COL22A1: variants seen among roughly 807,000 people sequenced by gnomAD.
The protein encoded by COL22A1 is collagen type XXII alpha 1 chain.
COL22A1 carries 221 observed loss-of-function variants against 248.9 expected under a neutral mutation model. The ratio of observed to expected loss-of-function variants is 0.89; its 90% confidence interval spans 0.80 to 0.99. The LOEUF is 0.99. Ranked by LOEUF, COL22A1 falls within the 50% of genes least tolerant of loss-of-function variation. The pLI is 0.00. For synonymous variants in COL22A1, 891 were observed against 793.4 expected (o/e 1.12, Z -2.07); for missense variants, 2,240 against 2,179.0 (o/e 1.03, Z -0.56).
At chr8:138,725,107 C>T (rs372366807) in intron 24 of COL22A1, among the ~76,000 whole-genome samples, 37 of 152,302 alleles carry the variant, frequency 2.4e-4, no homozygotes, top group Non-Finnish European at 4.1e-4. Context: ...AAAAGACATC[C>T]GAATGGGCAA....
At chr8:138,790,450 T>C (rs1442892210) in intron 12 of COL22A1, among the ~76,000 whole-genome samples, 1 of 152,164 alleles carries the variant, frequency 6.6e-6, no homozygotes, top group East Asian at 1.9e-4. Flanking sequence ...AAGTGTCTTG[T>C]GGTTTCCAGA....
chr8:138,824,834 C>T (rs1819454855), intron 6 of COL22A1, among the ~76,000 whole-genome samples: 1 of 152,200 alleles, frequency 6.6e-6, no homozygotes, highest in Admixed American at 6.5e-5. Context: ...GTGACGGGCA[C>T]TCAACCAAGC....
chr8:138,676,776 A>C, intron 40 of COL22A1, 141 bp from the exon 41 acceptor site: 1 of 625,492 alleles, frequency 1.6e-6, no homozygotes, highest in Non-Finnish European at 2.8e-6. Flanking sequence ...GCTATAGTCT[A>C]CCCAGGCAGC....
chr8:138,673,792 T>G (rs1825264301), intron 41 of COL22A1, among the ~76,000 whole-genome samples: 1 of 152,060 alleles, frequency 6.6e-6, no homozygotes, highest in South Asian at 2.1e-4. Flanking sequence ...TCCCTGGGCA[T>G]GCACCTGCCC....
chr8:138,660,967 C>CAT (rs1823863661), intron 43 of COL22A1, among the ~76,000 whole-genome samples: 2 of 58,680 alleles, frequency 3.4e-5, no homozygotes, highest in Non-Finnish European at 5.2e-5. Context: ...CACACACGCA[C>CAT]ACACACATAC....
chr8:138,630,164 C>CTGGATTTTG (rs1226306893), intron 50 of COL22A1, among the ~76,000 whole-genome samples: 2 of 152,210 alleles, frequency 1.3e-5, no homozygotes, highest in African/African-American at 4.8e-5. Flanking sequence ...GAAATGAAAT[C>CTGGATTTTG]TGGATTTTGA....
Position 138,900,810 on chromosome 8 carries a change from ATCC to A in COL22A1, c.-73+12806_-73+12808del, listed in dbSNP as rs767150318. On this transcript the variant is annotated intron_variant, in intron 1 of 64. Coordinates refer to ENST00000303045, the MANE Select transcript of COL22A1 (RefSeq NM_152888.3). ...CGGGTGTAGCAGTGTTCCTGCCTCC[ATCC>A]AGCTTACTTTCTAGAGAGAGAAGGG... 4.8e-3 allele frequency among the ~76,000 whole-genome samples: 733 copies of A among 152,338 alleles called. 5 individuals carry two copies. The highest frequency in any genetic ancestry group is 8.1e-3 in the Non-Finnish European group (548 of 68,028).
intron 23 of COL22A1, among the ~76,000 whole-genome samples, chr8:138,735,216 C>T (rs1831015675): frequency 6.6e-6 from 1 of 152,144 alleles, no homozygotes; most frequent in Non-Finnish European, 1.5e-5. Flanking sequence ...GAAACCTGGC[C>T]TCTTAGCGTA....
chr8:138,688,950 G>A lies in COL22A1; in HGVS notation c.2829C>T (p.Gly943=), dbSNP rs758100833. 6.2e-7 allele frequency: 1 copy of A among 1,613,338 alleles called. No homozygotes were observed. Among genetic ancestry groups the A allele is most frequent in the South Asian group, 1.1e-5 (1 of 91,046 alleles). ...CACGCTCCCCATCTTTCCCTGGGGT[G>A]CCTCTGAGGCCGGGAGCACCCTGTG... ...PGSVGAPGLR[G]TPGKDGERGE... Residue 943 remains glycine (G), a synonymous_variant, in exon 37 of 65, where the codon GGC becomes GGT. Coordinates refer to ENST00000303045, the MANE Select transcript of COL22A1 (RefSeq NM_152888.3).
chr8:138,716,981 T>C, intron 27 of COL22A1, 112 bp from the exon 28 acceptor site: 1 of 822,276 alleles, frequency 1.2e-6, no homozygotes, highest in East Asian at 2.4e-5. Context: ...CAACCCTTAA[T>C]TTTCAAATAT....
At chr8:138,850,778 G>A (rs930908496) in intron 3 of COL22A1, among the ~76,000 whole-genome samples, 15 of 152,352 alleles carry the variant, frequency 9.8e-5, no homozygotes, top group Admixed American at 5.9e-4. Context: ...CCCCCTGTGT[G>A]TCTGTTTCCA....
intron 22 of COL22A1, among the ~76,000 whole-genome samples, chr8:138,746,023 C>T (rs911948946): frequency 6.6e-6 from 1 of 152,206 alleles, no homozygotes; most frequent in East Asian, 1.9e-4. Flanking sequence ...GGCAGGTGGG[C>T]GGGCATCTCC....
chr8:138,643,200 A>G (rs1272935622), intron 47 of COL22A1, among the ~76,000 whole-genome samples: 2 of 152,230 alleles, frequency 1.3e-5, no homozygotes, highest in African/African-American at 2.4e-5. Context: ...AAGGAGTTCC[A>G]ACATTTGAAG....
Position 138,654,762 on chromosome 8 carries a change from G to A in COL22A1, c.3333+1135C>T, listed in dbSNP as rs975351211. 3.9e-5 allele frequency among the ~76,000 whole-genome samples: 6 copies of A among 152,178 alleles called. No individual in the cohort carries two copies. The South Asian group carries it at 6.2e-4, about 16-fold the overall frequency. ...CTTGGTCAGGCACCTGGGCACCTGT[G>A]CAACTTAGCCTTCGGGTGTAACTCC... is the stretch of plus-strand genomic sequence containing the variant. On this transcript the variant is annotated intron_variant, in intron 45 of 64. Transcript: ENST00000303045.
chr8:138,712,868 T>C (rs764141002), intron 30 of COL22A1, among the ~76,000 whole-genome samples: 2 of 152,000 alleles, frequency 1.3e-5, no homozygotes, highest in Non-Finnish European at 2.9e-5. Context: ...AGGGTAAGTA[T>C]TCTACAAACA....
At chr8:138,704,568 C>T (rs1828251278) in intron 30 of COL22A1, among the ~76,000 whole-genome samples, 1 of 152,186 alleles carries the variant, frequency 6.6e-6, no homozygotes, top group African/African-American at 2.4e-5. Context: ...AGGGTCCTGA[C>T]TGTTAGAAGG....
intron 7 of COL22A1, among the ~76,000 whole-genome samples, chr8:138,813,773 G>A (rs1297456344): frequency 3.9e-5 from 6 of 152,130 alleles, no homozygotes; most frequent in East Asian, 1.9e-4. Flanking sequence ...TCTGCCCTCC[G>A]CTCCGCACAC....
chr8:138,794,283 A>T (rs1420063004), intron 12 of COL22A1, among the ~76,000 whole-genome samples: 1 of 152,036 alleles, frequency 6.6e-6, no homozygotes, highest in Non-Finnish European at 1.5e-5. Flanking sequence ...GCTACTCAGG[A>T]GGCTGAGGCA....
At chr8:138,691,870 G>C (rs553134795) in intron 35 of COL22A1, among the ~76,000 whole-genome samples, 7 of 144,656 alleles carry the variant, frequency 4.8e-5, no homozygotes, top group Admixed American at 1.4e-4. Flanking sequence ...GTGTGTGCAT[G>C]TTTGTGGAGG....
Sources: gnomAD v4.1 joint callset for allele counts (sites outside exome capture counted in the v4.1 genomes callset) on GRCh38, gnomAD v4.1.1 for gene constraint, MANE v1.5 for transcripts, NCBI Gene and HGNC (gene_info 2026-07-23, HGNC 2026-07-21) for gene names.